PDE4D: variants seen among roughly 807,000 people sequenced by gnomAD.
PDE4D encodes 3',5'-cyclic-AMP phosphodiesterase 4D.
PDE4D carries 24 observed loss-of-function variants against 87.4 expected under a neutral mutation model. That is an observed-to-expected ratio of 0.27 (90% CI 0.20 to 0.39). The LOEUF (loss-of-function observed/expected upper bound fraction) is 0.39. Among genes scored for constraint, PDE4D ranks in the 10% least tolerant of loss-of-function variants. The probability of loss-of-function intolerance (pLI) is 1.00; values close to 1 mark genes in which losing one functional copy is unlikely to be tolerated. For synonymous variants in PDE4D, 384 were observed against 383.2 expected (o/e 1.00, Z -0.02); for missense variants, 714 against 1,041.0 (o/e 0.69, Z 4.32).
intron 1 of PDE4D, among the ~76,000 whole-genome samples, chr5:60,517,118 G>A (rs529785486): frequency 7.9e-5 from 12 of 152,344 alleles, no homozygotes; most frequent in Admixed American, 7.2e-4. Flanking sequence ...AGTGCAAGCT[G>A]GGGCACTGTC....
chr5:59,526,942 T>C (rs950709381), intron 1 of PDE4D, among the ~76,000 whole-genome samples: 3 of 152,314 alleles, frequency 2.0e-5, no homozygotes, highest in Admixed American at 6.5e-5. Flanking sequence ...ATTTCTTACT[T>C]GACTTTTTTT....
chr5:60,322,408 AC>A (rs1562323180), intron 1 of PDE4D, among the ~76,000 whole-genome samples: 43 of 131,374 alleles, frequency 3.3e-4, no homozygotes, highest in African/African-American at 1.2e-3. Flanking sequence ...ACACACACAC[AC>A]ACACACAAAA....
rs751371557 is a variant in PDE4D at position 59,768,373 on chromosome 5, G to A, written c.455+124795C>T. On this transcript the variant is annotated intron_variant, in intron 1 of 14. Transcript: ENST00000340635. The stretch of plus-strand genomic sequence containing the variant: ...GAGCTTGGGAGAAACCGATTTCCTC[G>A]CTGTCTTGGACTTCTCATGCTGCAA... 3 of 1,598,244 alleles carry A rather than the reference G, an allele frequency of 1.9e-6. No individual in the cohort carries two copies. In the Admixed American group the frequency reaches 5.0e-5, roughly 27 times the overall value.
Position 59,730,474 on chromosome 5 carries a change from C to G in PDE4D, c.455+162694G>C, listed in dbSNP as rs149243349. The stretch of plus-strand genomic sequence containing the variant: ...CACTTTAATTACAAACTTTTACTTT[C>G]AGACTCACATATGCACGGAATAGTG... On this transcript the variant is annotated intron_variant, in intron 1 of 14. Transcript: ENST00000340635. Among the ~76,000 whole-genome samples, 26 of 152,210 alleles carry G rather than the reference C, an allele frequency of 1.7e-4. No individual in the cohort carries two copies. The East Asian group carries it at 5.0e-3, about 29-fold the overall frequency.
chr5:58,991,131 A>G (rs1747811769), intron 8 of PDE4D, among the ~76,000 whole-genome samples: 1 of 152,116 alleles, frequency 6.6e-6, no homozygotes, highest in Non-Finnish European at 1.5e-5. Context: ...AAATAAAAAA[A>G]ATTAGTCAGG....
At chr5:60,107,557 A>G (rs1777138316) in intron 2 of PDE4D, among the ~76,000 whole-genome samples, 1 of 152,202 alleles carries the variant, frequency 6.6e-6, no homozygotes, top group Non-Finnish European at 1.5e-5. Context: ...CACAACCAAA[A>G]AAGAGAATTT....
At chr5:60,415,181 C>A (rs1357603219) in intron 1 of PDE4D, among the ~76,000 whole-genome samples, 5 of 152,260 alleles carry the variant, frequency 3.3e-5, no homozygotes, top group Non-Finnish European at 7.3e-5. Flanking sequence ...TGCATCTGAT[C>A]AGGCTATGAG....
At chr5:59,492,923 C>A (rs1162006936) in intron 1 of PDE4D, among the ~76,000 whole-genome samples, 1 of 152,148 alleles carries the variant, frequency 6.6e-6, no homozygotes, top group African/African-American at 2.4e-5. Context: ...GCGACTTGCT[C>A]CTCCTTGCCT....
At chr5:59,402,555 G>C (rs1265788904) in intron 1 of PDE4D, among the ~76,000 whole-genome samples, 1 of 152,074 alleles carries the variant, frequency 6.6e-6, no homozygotes, top group Non-Finnish European at 1.5e-5. Context: ...AAGGGGAAAT[G>C]GGGTATTCCA....
At chr5:59,696,196 G>C (rs1279378470) in intron 1 of PDE4D, among the ~76,000 whole-genome samples, 4 of 152,094 alleles carry the variant, frequency 2.6e-5, no homozygotes, top group African/African-American at 4.8e-5. Flanking sequence ...GAAATGAAAG[G>C]CTGAAAGTAA....
intron 1 of PDE4D, among the ~76,000 whole-genome samples, chr5:59,852,298 T>C (rs1383205500): frequency 6.6e-6 from 1 of 152,010 alleles, no homozygotes; most frequent in Non-Finnish European, 1.5e-5. Flanking sequence ...GGCTGACCTA[T>C]GTGAAAAAAA....
At chr5:59,741,808 A>G (rs1001086320) in intron 1 of PDE4D, among the ~76,000 whole-genome samples, 9 of 152,180 alleles carry the variant, frequency 5.9e-5, no homozygotes, top group Non-Finnish European at 1.2e-4. Context: ...CTGACTATGG[A>G]AAATTTTTCT....
chr5:59,348,456 G>C (rs111928676), intron 1 of PDE4D, among the ~76,000 whole-genome samples: 24 of 152,152 alleles, frequency 1.6e-4, no homozygotes, highest in African/African-American at 5.8e-4. Context: ...CCCCCATAGA[G>C]AGCTGGTTGT....
chr5:59,593,689 C>T lies in PDE4D; in HGVS notation c.455+299479G>A, dbSNP rs114039270. Among the ~76,000 whole-genome samples the T allele has an allele frequency of 2.3e-3, 349 of 152,190 alleles. 3 individuals carry two copies. The highest frequency in any genetic ancestry group is 7.9e-3 in the African/African-American group (330 of 41,520). The stretch of plus-strand genomic sequence containing the variant: ...TAGGCTATGGAGAATCACAACATAC[C>T]GGAGCAGAAACCTCCAAGAGAACCA... On this transcript the variant is annotated intron_variant, in intron 1 of 14. Coordinates refer to ENST00000340635, the MANE Select transcript of PDE4D (RefSeq NM_001104631.2).
intron 5 of PDE4D, among the ~76,000 whole-genome samples, chr5:59,121,211 A>G (rs1405403046): frequency 6.6e-6 from 1 of 152,220 alleles, no homozygotes; most frequent in Non-Finnish European, 1.5e-5. Context: ...GCTGTATTGA[A>G]CTAAAAATTT....
intron 5 of PDE4D, among the ~76,000 whole-genome samples, chr5:59,158,602 G>T (rs1042992742): frequency 6.6e-6 from 1 of 152,190 alleles, no homozygotes; most frequent in Non-Finnish European, 1.5e-5. Flanking sequence ...ACTTCTTAGG[G>T]AAATATGACT....
At chr5:59,297,701 AAATGAATGAATG>A (rs924601965) in intron 1 of PDE4D, among the ~76,000 whole-genome samples, 4 of 152,146 alleles carry the variant, frequency 2.6e-5, no homozygotes, top group African/African-American at 9.7e-5. Flanking sequence ...AATATTGGGC[AAATGAATGAATG>A]AATGAATGAC....
chr5:59,294,931 A>T (rs1053623559), intron 1 of PDE4D, among the ~76,000 whole-genome samples: 1 of 152,240 alleles, frequency 6.6e-6, no homozygotes, highest in East Asian at 1.9e-4. Context: ...AGTTTAAAAG[A>T]GACTGTGGTA....
At chr5:60,347,816 A>G (rs1758856688) in intron 1 of PDE4D, among the ~76,000 whole-genome samples, 2 of 152,240 alleles carry the variant, frequency 1.3e-5, no homozygotes, top group African/African-American at 4.8e-5. Context: ...GGGAAAAAGT[A>G]GAACAGAGGA....
Sources: gnomAD v4.1 joint callset for allele counts (sites outside exome capture counted in the v4.1 genomes callset) on GRCh38, gnomAD v4.1.1 for gene constraint, MANE v1.5 for transcripts, NCBI Gene and HGNC (gene_info 2026-07-23, HGNC 2026-07-21) for gene names.